KHDRBS2: variants seen among roughly 807,000 people sequenced by gnomAD.
KHDRBS2 encodes KH domain-containing, RNA-binding, signal transduction-associated protein 2.
KHDRBS2 carries 26 observed loss-of-function variants against 44.3 expected under a neutral mutation model. The ratio of observed to expected loss-of-function variants is 0.59; its 90% CI spans 0.43 to 0.81. KHDRBS2 has a LOEUF of 0.81. KHDRBS2 is among the 40% of genes least tolerant of loss of function. The pLI, the probability that KHDRBS2 is intolerant of heterozygous loss-of-function variation, is 0.00. For synonymous variants in KHDRBS2, 194 were observed against 151.1 expected, an observed-to-expected ratio of 1.28 and a Z score of -2.08; for missense variants, 476 against 433.1, an observed-to-expected ratio of 1.10 and a Z score of -0.88.
At chr6:62,123,448 G>C (rs570503792) in intron 2 of KHDRBS2, among the ~76,000 whole-genome samples, 1 of 152,230 alleles carries the variant, frequency 6.6e-6, no homozygotes, top group South Asian at 2.1e-4. Flanking sequence ...AGTATTTCTA[G>C]TTCTAGATCC....
chr6:61,848,506 T>TACGTATATATATAC (rs1562294127), intron 6 of KHDRBS2, among the ~76,000 whole-genome samples: 1 of 53,880 alleles, frequency 1.9e-5, no homozygotes, highest in Non-Finnish European at 3.3e-5. Context: ...TATATATATA[T>TACGTATATATATAC]ATATGTATAT....
the KHDRBS2 span, among the ~76,000 whole-genome samples, chr6:61,607,904 T>C: frequency 1.3e-5 from 2 of 152,158 alleles, no homozygotes; most frequent in African/African-American, 4.8e-5. Context: ...GCCAGGCTGG[T>C]CTCAAACTCC....
At chr6:62,037,743 T>TATA (rs1215240415) in intron 3 of KHDRBS2, among the ~76,000 whole-genome samples, 3 of 152,006 alleles carry the variant, frequency 2.0e-5, no homozygotes, top group African/African-American at 7.2e-5. Context: ...ATTACATACC[T>TATA]ATAGCTAAAG....
At chr6:62,207,196 T>C (rs1456528013) in intron 1 of KHDRBS2, among the ~76,000 whole-genome samples, 2 of 151,934 alleles carry the variant, frequency 1.3e-5, no homozygotes, top group African/African-American at 2.4e-5. Flanking sequence ...GTTAAGAAAA[T>C]CAGAGGAAAA....
At chr6:61,948,323 T>C (rs1437357614) in intron 4 of KHDRBS2, among the ~76,000 whole-genome samples, 4 of 152,266 alleles carry the variant, frequency 2.6e-5, no homozygotes, top group Non-Finnish European at 4.4e-5. Context: ...ATTTATGTAA[T>C]TGCATTTTTA....
chr6:61,814,123 T>C, intron 6 of KHDRBS2: 1 of 449,524 alleles, frequency 2.2e-6, no homozygotes, highest in Non-Finnish European at 4.5e-6. Context: ...AAATGAGTGA[T>C]TCTATGATTC....
the KHDRBS2 span, among the ~76,000 whole-genome samples, chr6:61,550,543 G>A: frequency 6.6e-6 from 1 of 152,222 alleles, no homozygotes; most frequent in South Asian, 2.1e-4. Flanking sequence ...ATTTTGCTGA[G>A]GTTGGGGGAT....
intron 7 of KHDRBS2, among the ~76,000 whole-genome samples, chr6:61,713,121 A>C (rs1281201596): frequency 6.6e-6 from 1 of 151,574 alleles, no homozygotes; most frequent in African/African-American, 2.4e-5. Context: ...GCAATATACA[A>C]AATATGTGTT....
intron 3 of KHDRBS2, among the ~76,000 whole-genome samples, chr6:62,034,855 T>TA (rs1197207060): frequency 6.6e-6 from 1 of 151,930 alleles, no homozygotes; most frequent in Non-Finnish European, 1.5e-5. Flanking sequence ...GAAAAGAACA[T>TA]ATGTAAGTAG....
chr6:62,234,983 T>C (rs577980958), intron 1 of KHDRBS2, among the ~76,000 whole-genome samples: 1 of 151,558 alleles, frequency 6.6e-6, no homozygotes, highest in East Asian at 1.9e-4. Context: ...GTTTTATTCA[T>C]GATAAAAAAT....
intron 4 of KHDRBS2, among the ~76,000 whole-genome samples, chr6:61,934,715 T>C (rs1349767973): frequency 6.6e-6 from 1 of 152,180 alleles, no homozygotes; most frequent in African/African-American, 2.4e-5. Context: ...ATTATTACTT[T>C]AGTGGAAGGA....
At chr6:61,970,384 C>A (rs1240680868) in intron 4 of KHDRBS2, among the ~76,000 whole-genome samples, 1 of 151,944 alleles carries the variant, frequency 6.6e-6, no homozygotes, top group Non-Finnish European at 1.5e-5. Flanking sequence ...CAAGTATGGG[C>A]TGATGAGAAA....
At chr6:61,769,515 T>C (rs1562129915) in intron 6 of KHDRBS2, among the ~76,000 whole-genome samples, 1 of 152,122 alleles carries the variant, frequency 6.6e-6, no homozygotes, top group Non-Finnish European at 1.5e-5. Context: ...GGAGATTATA[T>C]CCTGCACATG....
the KHDRBS2 span, among the ~76,000 whole-genome samples, chr6:61,550,344 C>T: frequency 6.6e-6 from 1 of 152,074 alleles, no homozygotes; most frequent in Non-Finnish European, 1.5e-5. Context: ...TCGTCCAGTT[C>T]TGTCTATGTT....
At chr6:61,705,931 C>G (rs1357359729) in intron 7 of KHDRBS2, among the ~76,000 whole-genome samples, 1 of 151,806 alleles carries the variant, frequency 6.6e-6, no homozygotes, top group Non-Finnish European at 1.5e-5. Context: ...CTATTATTTG[C>G]TTATCTGTCT....
the KHDRBS2 span, among the ~76,000 whole-genome samples, chr6:61,565,507 T>C: frequency 7.9e-5 from 12 of 151,854 alleles, no homozygotes; most frequent in African/African-American, 2.7e-4. Context: ...GGGCAAAAGG[T>C]CTAAATAGAT....
the KHDRBS2 span, among the ~76,000 whole-genome samples, chr6:61,546,851 A>G: frequency 6.6e-6 from 1 of 152,106 alleles, no homozygotes; most frequent in East Asian, 1.9e-4. Flanking sequence ...TGATTATTAT[A>G]TACTTTACAA....
intron 7 of KHDRBS2, among the ~76,000 whole-genome samples, chr6:61,709,655 C>CTTTTGT (rs2127549959): frequency 6.6e-6 from 1 of 151,444 alleles, no homozygotes; most frequent in East Asian, 1.9e-4. Context: ...AAACACTAAT[C>CTTTTGT]TTTTGTTTTA....
Position 61,808,143 on chromosome 6 carries a change from A to G in KHDRBS2, c.811-75379T>C, listed in dbSNP as rs908950445. Among the ~76,000 whole-genome samples, 6 of 152,198 alleles carry G rather than the reference A, an allele frequency of 3.9e-5. No individual in the cohort carries two copies. In the East Asian group the frequency reaches 1.2e-3, roughly 29 times the overall value. On this transcript the variant is annotated intron_variant, in intron 6 of 8. Transcript: ENST00000281156. ...AGCTTTATTTAAAATGATTTTAAAT[A>G]TATAAAGTCAAGTAATATGTGGGGG...
Sources: gnomAD v4.1 joint callset for allele counts (sites outside exome capture counted in the v4.1 genomes callset) on GRCh38, gnomAD v4.1.1 for gene constraint, MANE v1.5 for transcripts, NCBI Gene and HGNC (gene_info 2026-07-23, HGNC 2026-07-21) for gene names.